The following ADPRHL1 variants were observed in gnomAD, a reference collection of about 807,000 sequenced individuals.
The protein encoded by ADPRHL1 is inactive ADP-ribosyltransferase ARH2.
ADPRHL1 carries 43 observed loss-of-function variants against 44.1 expected under a neutral mutation model. The ratio of observed to expected loss-of-function variants is 0.98; its 90% CI spans 0.76 to 1.26. The LOEUF (loss-of-function observed/expected upper bound fraction) is 1.26. ADPRHL1 is among the 50% of genes most tolerant of loss of function. ADPRHL1 has a pLI of 0.00. For synonymous variants in ADPRHL1, 878 were observed against 1,017.4 expected (o/e 0.86, Z 2.61); for missense variants, 2,022 against 2,496.9 (o/e 0.81, Z 4.05).
rs981519335 is a variant in ADPRHL1, at chr13:113,429,100, G to T, written c.506-8C>A. The T allele has an allele frequency of 1.9e-6, 3 of 1,586,454 alleles. No individual in the cohort carries two copies. The highest frequency in any genetic ancestry group is 2.6e-6 in the Non-Finnish European group (3 of 1,165,780). On this transcript the variant is annotated splice_region_variant and splice_polypyrimidine_tract_variant and intron_variant, in intron 3 of 7. Coordinates refer to ENST00000612156, the MANE Select transcript of ADPRHL1 (RefSeq NM_001394807.1). ...ACAGGGAGCCCAGGAAGCCTGGAGG[G>T]CAGGGAAGAGAGAGGGGGCACCATC...
chr13:113,430,583 T>C (rs947460946), intron 3 of ADPRHL1, among the ~76,000 whole-genome samples: 16 of 152,116 alleles, frequency 1.1e-4, no homozygotes, highest in Non-Finnish European at 7.4e-5. Context: ...CAGCAGTGGT[T>C]GTCGTACTAG....
chr13:113,426,160 G>A (rs2043966834), intron 4 of ADPRHL1, among the ~76,000 whole-genome samples: 2 of 152,194 alleles, frequency 1.3e-5, no homozygotes, highest in Non-Finnish European at 2.9e-5. Context: ...CCAAGAGGAC[G>A]CTGACTCAGA....
At chr13:113,425,783 C>T (rs547788357) in intron 4 of ADPRHL1, among the ~76,000 whole-genome samples, 5 of 151,432 alleles carry the variant, frequency 3.3e-5, no homozygotes, top group African/African-American at 9.7e-5. Context: ...TGGGTTCAAG[C>T]GATTCTCCTG....
chr13:113,448,579 T>G (rs2044158290), intron 1 of ADPRHL1, among the ~76,000 whole-genome samples: 1 of 151,410 alleles, frequency 6.6e-6, no homozygotes, highest in South Asian at 2.1e-4. Context: ...GTCAACTGTT[T>G]CCAAACGTTT....
chr13:113,453,251 T>G lies in ADPRHL1; in HGVS notation c.187A>C (p.Ile63Leu). The G allele has an allele frequency of 6.2e-7, 1 of 1,614,128 alleles. No individual in the cohort carries two copies. Among genetic ancestry groups the G allele is most frequent in the South Asian group, 1.1e-5 (1 of 91,076 alleles). The change falls in exon 1 of 8, where the codon ATC becomes CTC. Residue 63 changes from isoleucine (I) to leucine (L), a missense_variant. Ile to Leu is a conservative substitution (Grantham distance 5, BLOSUM62 2). Around this residue, in one of 8 missense-constraint regions of ADPRHL1, gnomAD observed 437 missense variants for 430.7 expected, o/e 1.01. Coordinates refer to ENST00000612156, the MANE Select transcript of ADPRHL1 (RefSeq NM_001394807.1). This position sits in a 1 kb window ranked among gnomAD's most constrained non-coding sequence, Gnocchi z 5.4. Reference sequence around the variant, plus strand: ...GTGGTGAGGGCCTCGGCGGTTGCGATGTGCATGATGGTGTTGTCACTCACG... The same window carrying G: ...GTGGTGAGGGCCTCGGCGGTTGCGAGGTGCATGATGGTGTTGTCACTCACG... Reference protein sequence around the residue: ...WPVSDNTIMHIATAEALTTDY... With the variant: ...WPVSDNTIMHLATAEALTTDY...
At position 113,401,689 on chromosome 13, in the gene ADPRHL1, C is replaced by G. The variant is rs77036109; in HGVS notation, c.*1689G>C. ...CCCCAGAGCTCAGCACAGCCCGGCC[C>G]TCCTTCCAGACACCAGCACTCGCAT... is the stretch of plus-strand genomic sequence containing the variant. On this transcript the variant is annotated 3_prime_UTR_variant, in exon 8 of 8. Coordinates refer to ENST00000612156, the MANE Select transcript of ADPRHL1 (RefSeq NM_001394807.1). This position sits in a 1 kb window ranked among gnomAD's most constrained non-coding sequence, Gnocchi z 5.5. 7,033 of 152,458 alleles carry G rather than the reference C, an allele frequency of 0.046. 197 individuals carry two copies. Among genetic ancestry groups the G allele is most frequent in the Non-Finnish European group, 0.07 (4,800 of 68,152 alleles). The allele number at this position is 152,458 out of a possible 1,614,324, so 9.4% of individuals were successfully genotyped here.
chr13:113,451,787 G>A lies in ADPRHL1; in HGVS notation c.214+1437C>T, dbSNP rs940964307. Among the ~76,000 whole-genome samples, 19 of 151,726 alleles carry A rather than the reference G, an allele frequency of 1.3e-4. No individual in the cohort carries two copies. In the Middle Eastern group the frequency reaches 0.014, roughly 109 times the overall value. ...CACGCCACTGCACTCCAGCCTGGGC[G>A]ATGGAGAAAGACTCCGTCTCAAAAA... On this transcript the variant is annotated intron_variant, in intron 1 of 7. Coordinates refer to ENST00000612156, the MANE Select transcript of ADPRHL1 (RefSeq NM_001394807.1).
chr13:113,406,019 G>T lies in ADPRHL1; in HGVS notation c.3263C>A (p.Thr1088Asn), dbSNP rs1390934612. The change falls in exon 8 of 8, where the codon ACC becomes AAC. Residue 1088 changes from threonine to asparagine, a missense_variant. This residue lies in a region of ADPRHL1 where 1,221 missense variants were observed against 1,517.8 expected (regional missense o/e 0.80). Coordinates refer to ENST00000612156, the MANE Select transcript of ADPRHL1 (RefSeq NM_001394807.1). Reference sequence around the variant, plus strand: ...TGGGTTCTCGCGAACATCATGGCTGGTGATTTCCTCGGCAGCCTTCAGGGG... The same window carrying T: ...TGGGTTCTCGCGAACATCATGGCTGTTGATTTCCTCGGCAGCCTTCAGGGG... The part of the protein sequence containing the change: ...SQPLKAAEEI[T>N]SHDVRENPLS... 8.1e-7 allele frequency: 1 copy of T among 1,232,114 alleles called. No homozygotes were observed. Among genetic ancestry groups the T allele is most frequent in the African/African-American group, 1.5e-5 (1 of 64,552 alleles). The allele number at this position is 1,232,114 out of a possible 1,614,324, so 76.3% of individuals were successfully genotyped here.
In ADPRHL1 at chr13:113,441,550, C is replaced by T. The variant is rs1180464069; in HGVS notation, c.379+2875G>A. On this transcript the variant is annotated intron_variant, in intron 2 of 7. Coordinates refer to ENST00000612156, the MANE Select transcript of ADPRHL1 (RefSeq NM_001394807.1). The surrounding 1 kb of genome is among the most constrained non-coding windows in gnomAD (Gnocchi z 6.0). The stretch of plus-strand genomic sequence containing the variant: ...CATCTCTCCCCTGCTAGCCTTCGTG[C>T]TATTGTTGTTGTACATTCTACTTAT... 1.3e-5 allele frequency among the ~76,000 whole-genome samples: 2 copies of T among 152,148 alleles called. No homozygotes were observed. The highest frequency in any genetic ancestry group is 2.9e-5 in the Non-Finnish European group (2 of 68,032).
Position 113,404,795 on chromosome 13 carries a change from T to C in ADPRHL1, c.4487A>G (p.Asp1496Gly). ...GQAQKQVQEW[D>G]RGQVQGHAQE... is the part of the protein sequence containing the mutation. ...AGCGTGTCCCTGAACCTGTCCCCGG[T>C]CCCATTCCTGAACCTGTTTCTGGGC... is the stretch of plus-strand genomic sequence containing the variant. Residue 1496 changes from aspartate (D) to glycine (G), a missense_variant, in exon 8 of 8, where the codon GAC becomes GGC. By Grantham distance (94) the Asp-to-Gly change is moderately conservative. This residue lies in a region of ADPRHL1 where 1,221 missense variants were observed against 1,517.8 expected (regional missense o/e 0.80). Transcript: ENST00000612156. 2 of 1,251,910 alleles carry C rather than the reference T, an allele frequency of 1.6e-6. No individual in the cohort carries two copies. The highest frequency in any genetic ancestry group is 2.0e-6 in the Non-Finnish European group (2 of 1,001,332). 77.6% of individuals were successfully genotyped at this position (1,251,910 alleles called of 1,614,324 possible). A position where few individuals can be genotyped will look rare whatever the true frequency, so the allele number is the denominator to read the frequency against.
intron 2 of ADPRHL1, among the ~76,000 whole-genome samples, chr13:113,434,287 G>A (rs993832326): frequency 6.6e-6 from 1 of 151,976 alleles, no homozygotes; most frequent in East Asian, 1.9e-4. Flanking sequence ...GAACATAGGT[G>A]TACCCCGGGA....
chr13:113,440,609 C>A (rs1595553977), intron 2 of ADPRHL1, among the ~76,000 whole-genome samples: 3 of 151,998 alleles, frequency 2.0e-5, no homozygotes, highest in Admixed American at 2.0e-4. Flanking sequence ...GGGCATACCA[C>A]CACACCCAGC....
At chr13:113,429,196 G>A (rs1595547366) in intron 3 of ADPRHL1, 104 bp from the exon 4 acceptor site, 24 of 1,448,666 alleles carry the variant, frequency 1.7e-5, no homozygotes, top group South Asian at 7.6e-5. Flanking sequence ...GGGTTTGCTC[G>A]TTTTCCGTCT....
intron 3 of ADPRHL1, 145 bp from the exon 4 acceptor site, chr13:113,429,237 AT>A (rs1365624108): frequency 1.4e-5 from 15 of 1,082,666 alleles, no homozygotes; most frequent in Non-Finnish European, 2.0e-5. Flanking sequence ...GTTCGGCGGC[AT>A]TAACCACGTT....
In ADPRHL1 at chr13:113,449,024, G is replaced by C. The variant is rs1183926487; in HGVS notation, c.214+4200C>G. The C allele has an allele frequency of 5.1e-6, 5 of 986,528 alleles. 1 individual carries two copies. The South Asian group carries it at 2.3e-4, about 46-fold the overall frequency. 61.1% of individuals were successfully genotyped at this position (986,528 alleles called of 1,614,324 possible). A position where few individuals can be genotyped will look rare whatever the true frequency, so the allele number is the denominator to read the frequency against. The stretch of plus-strand genomic sequence containing the variant: ...CTGCTAAACGCTTGCCAAGTGACTT[G>C]GTGATAATGCGCTGGCAACATGGGC... On this transcript the variant is annotated intron_variant, in intron 1 of 7. Transcript: ENST00000612156.
intron 7 of ADPRHL1, 32 bp downstream of exon 7, chr13:113,422,794 C>T: frequency 6.2e-7 from 1 of 1,612,396 alleles, no homozygotes; most frequent in Non-Finnish European, 8.5e-7. Flanking sequence ...GGAATCGGCT[C>T]TCTAGGGGGA....
chr13:113,444,294 AAGGGACTCT>A (rs2044120504), intron 2 of ADPRHL1, 122 bp downstream of exon 2: 2 of 1,295,356 alleles, frequency 1.5e-6, no homozygotes, highest in South Asian at 2.9e-5. Context: ...CCACCCGACA[AAGGGACTCT>A]AGGCAGATCC....
intron 6 of ADPRHL1, among the ~76,000 whole-genome samples, chr13:113,423,196 G>A (rs2043939387): frequency 6.6e-6 from 1 of 152,228 alleles, no homozygotes; most frequent in Non-Finnish European, 1.5e-5. Context: ...GGCAGAGGTG[G>A]CAACGAGCCG....
At chr13:113,416,744 T>C (rs1031679349) in intron 7 of ADPRHL1, among the ~76,000 whole-genome samples, 1 of 152,250 alleles carries the variant, frequency 6.6e-6, no homozygotes, top group African/African-American at 2.4e-5. Flanking sequence ...AATAGCGTTA[T>C]TGAAGGTTAA....
Sources: allele counts gnomAD v4.1 joint callset (sites outside exome capture counted in the v4.1 genomes callset), GRCh38; gene constraint gnomAD v4.1.1; regional missense constraint gnomAD v4.1.1; non-coding constraint Gnocchi (gnomAD v3.1); transcripts MANE v1.5; gene names NCBI Gene and HGNC (gene_info 2026-07-23, HGNC 2026-07-21).